RAD51B: variants seen among roughly 807,000 people sequenced by gnomAD.
RAD51B encodes RAD51 paralog B.
RAD51B carries 38 observed loss-of-function variants against 42.2 expected under a neutral mutation model. The observed-to-expected ratio is 0.90, with a 90% confidence interval of 0.70 to 1.18. The LOEUF (loss-of-function observed/expected upper bound fraction) is 1.18. Among genes scored for constraint, RAD51B ranks in the 50% most tolerant of loss-of-function variants. The pLI, the probability that RAD51B is intolerant of heterozygous loss-of-function variation, is 0.00. For missense variants in RAD51B, 373 were observed against 400.7 expected (o/e 0.93, Z 0.59); for synonymous variants, 154 against 145.2 (o/e 1.06, Z -0.43).
chr14:68,161,725 C>T (rs2078643474), intron 7 of RAD51B, among the ~76,000 whole-genome samples: 1 of 152,196 alleles, frequency 6.6e-6, no homozygotes, highest in Non-Finnish European at 1.5e-5. Context: ...GTGATAGGAT[C>T]TTAACTTTGA....
intron 8 of RAD51B, among the ~76,000 whole-genome samples, chr14:68,334,693 A>G (rs1045543864): frequency 1.3e-5 from 2 of 152,052 alleles, no homozygotes; most frequent in African/African-American, 2.4e-5. Context: ...TATCTTGGCC[A>G]TTGTGAATAG....
intron 7 of RAD51B, among the ~76,000 whole-genome samples, chr14:68,067,887 A>G (rs1302440789): frequency 7.1e-6 from 1 of 139,994 alleles, no homozygotes; most frequent in African/African-American, 2.7e-5. Context: ...AGTCATGATC[A>G]TGCCACTGCA....
At chr14:68,034,206 A>C (rs1465275332) in intron 7 of RAD51B, among the ~76,000 whole-genome samples, 3 of 151,888 alleles carry the variant, frequency 2.0e-5, no homozygotes, top group South Asian at 2.1e-4. Context: ...GATTTGTCAG[A>C]GTTCTTATCT....
rs111751838 is a variant in RAD51B, at chr14:68,209,961, C to CTTT, written c.757-81909_757-81907dup. Among the ~76,000 whole-genome samples, 4 of 142,114 alleles carry CTTT rather than the reference C, an allele frequency of 2.8e-5. No individual in the cohort carries two copies. The South Asian group carries it at 6.8e-4, about 24-fold the overall frequency. The allele number at this position is 142,114 out of a possible 152,430, so 93.2% of individuals were successfully genotyped here. A position where few individuals can be genotyped will look rare whatever the true frequency, so the allele number is the denominator to read the frequency against. On this transcript the variant is annotated intron_variant, in intron 7 of 10. Transcript: ENST00000471583. ...TGAGCGAAACATACTCTAGGAATAC[C>CTTT]TTTTTTTTTTTTTTTTGAGACAGAG... is the stretch of plus-strand genomic sequence containing the variant.
intron 7 of RAD51B, among the ~76,000 whole-genome samples, chr14:68,281,115 G>A (rs911904522): frequency 2.0e-5 from 3 of 152,020 alleles, no homozygotes; most frequent in Non-Finnish European, 4.4e-5. Flanking sequence ...ATTAAGAAGT[G>A]AGAGAAAAGT....
chr14:68,309,611 G>T (rs993166144), intron 8 of RAD51B, among the ~76,000 whole-genome samples: 1 of 152,032 alleles, frequency 6.6e-6, no homozygotes, highest in African/African-American at 2.4e-5. Context: ...AAATCACTGG[G>T]GCATGGAGTT....
At chr14:68,510,764 C>T (rs1380065619) in intron 10 of RAD51B, among the ~76,000 whole-genome samples, 1 of 152,126 alleles carries the variant, frequency 6.6e-6, no homozygotes, top group East Asian at 1.9e-4. Flanking sequence ...CCATGATTTT[C>T]ATTATGTTAT....
rs371687450 is a variant in RAD51B, at chr14:67,940,803, T to C, written c.756+53599T>C. On this transcript the variant is annotated intron_variant, in intron 7 of 10. Transcript: ENST00000471583. ...GTAGGAAAAAAAAAACACAGAAAAA[T>C]ACAATTTCTTCTTTCATCTATGTCC... Among the ~76,000 whole-genome samples the C allele has an allele frequency of 5.9e-5, 9 of 152,050 alleles. 1 individual carries two copies. Among genetic ancestry groups the C allele is most frequent in the African/African-American group, 2.2e-4 (9 of 41,474 alleles).
intron 7 of RAD51B, among the ~76,000 whole-genome samples, chr14:68,142,021 A>G (rs949714497): frequency 4.1e-4 from 62 of 152,296 alleles, no homozygotes; most frequent in African/African-American, 1.4e-3. Context: ...AGCATCCTTT[A>G]ATTTCCTTAT....
chr14:68,364,089 T>A (rs896861147), intron 8 of RAD51B, among the ~76,000 whole-genome samples: 3 of 152,204 alleles, frequency 2.0e-5, no homozygotes, highest in Non-Finnish European at 4.4e-5. Flanking sequence ...TTCGCCATGT[T>A]CCTTCCCGAT....
intron 7 of RAD51B, chr14:68,236,291 T>C (rs2080255597): frequency 6.6e-6 from 1 of 152,244 alleles, no homozygotes; most frequent in Admixed American, 6.5e-5. Context: ...AGTGGCCATT[T>C]GCAGGTGCAT....
chr14:67,988,387 A>C (rs1253828452), intron 7 of RAD51B, among the ~76,000 whole-genome samples: 2 of 152,182 alleles, frequency 1.3e-5, no homozygotes, highest in African/African-American at 2.4e-5. Context: ...TGAACATGGT[A>C]AGCGGAAGTT....
intron 8 of RAD51B, among the ~76,000 whole-genome samples, chr14:68,312,232 C>T (rs1370263264): frequency 6.6e-6 from 1 of 152,152 alleles, no homozygotes. Context: ...ACTGACACTT[C>T]TGAAAAGGTG....
chr14:67,939,529 C>T (rs2045083659), intron 7 of RAD51B, among the ~76,000 whole-genome samples: 1 of 152,106 alleles, frequency 6.6e-6, no homozygotes. Flanking sequence ...ATGATCATTG[C>T]AGGGAGGCAG....
chr14:68,301,722 G>A (rs2081744205), intron 8 of RAD51B, among the ~76,000 whole-genome samples: 1 of 151,324 alleles, frequency 6.6e-6, no homozygotes. Context: ...TCAGCCTCCT[G>A]AGTAGCTGGG....
At chr14:68,096,250 G>A (rs1205527664) in intron 7 of RAD51B, among the ~76,000 whole-genome samples, 1 of 152,118 alleles carries the variant, frequency 6.6e-6, no homozygotes, top group Non-Finnish European at 1.5e-5. Context: ...CCTTTAAGCT[G>A]CACCATAGAA....
chr14:68,575,746 C>G (rs184487999), intron 10 of RAD51B, among the ~76,000 whole-genome samples: 4 of 152,338 alleles, frequency 2.6e-5, no homozygotes. Context: ...AGTTCATCCT[C>G]TGGACACCAA....
intron 7 of RAD51B, among the ~76,000 whole-genome samples, chr14:68,177,325 A>C (rs1466661764): frequency 2.0e-5 from 3 of 152,182 alleles, no homozygotes; most frequent in Non-Finnish European, 4.4e-5. Context: ...TTGGGTGTGC[A>C]TGCATGTGTG....
chr14:68,659,012 GTCT>G (rs1892879441), intron 11 of RAD51B, among the ~76,000 whole-genome samples: 1 of 152,110 alleles, frequency 6.6e-6, no homozygotes, highest in Non-Finnish European at 1.5e-5. Context: ...TGGCGGGATG[GTCT>G]CTCCTCCATA....
Sources: allele counts gnomAD v4.1 joint callset (sites outside exome capture counted in the v4.1 genomes callset), GRCh38; gene constraint gnomAD v4.1.1; transcripts MANE v1.5; gene names NCBI Gene and HGNC (gene_info 2026-07-23, HGNC 2026-07-21).